TMPRSS12: variants seen among roughly 807,000 people sequenced by gnomAD.
The protein encoded by TMPRSS12 is transmembrane protease serine 12.
A neutral mutation model predicts 26.0 loss-of-function variants in TMPRSS12; 25 were observed. The ratio of observed to expected loss-of-function variants is 0.96; its 90% CI spans 0.70 to 1.34. TMPRSS12 has a LOEUF of 1.34. Among genes scored for constraint, TMPRSS12 ranks in the 40% most tolerant of loss-of-function variants. The pLI, the probability that TMPRSS12 is intolerant of heterozygous loss-of-function variation, is 0.00. For missense variants in TMPRSS12, 441 were observed against 440.1 expected, an observed-to-expected ratio of 1.00 and a Z score of -0.02; for synonymous variants, 150 against 161.7, an observed-to-expected ratio of 0.93 and a Z score of 0.55.
chr12:50,878,078 C>A (rs534921446), intron 3 of TMPRSS12, among the ~76,000 whole-genome samples: 1 of 151,894 alleles, frequency 6.6e-6, no homozygotes, highest in Non-Finnish European at 1.5e-5. Context: ...GTTGTTAATA[C>A]GGCAATTATT....
chr12:50,887,264 T>A lies in TMPRSS12; in HGVS notation c.798T>A (p.Gly266=). 6.2e-7 allele frequency: 1 copy of A among 1,612,510 alleles called. No homozygotes were observed. Among genetic ancestry groups the A allele is most frequent in the South Asian group, 1.1e-5 (1 of 90,896 alleles). The change falls in exon 5 of 5, where the codon GGT becomes GGA. Residue 266 remains glycine (G), a splice_region_variant and synonymous_variant. Coordinates refer to ENST00000398458, the MANE Select transcript of TMPRSS12 (RefSeq NM_182559.3). ...CTATTTTGGGACTTTTTTGACAGGG[T>A]GACAGTGGGGGACCATTAATGTGCT... ...DEDGAFDTCR[G]DSGGPLMCYL... is the part of the protein sequence containing the mutation.
At position 50,878,097 on chromosome 12, in the gene TMPRSS12, G is replaced by A. The variant is rs369856766; in HGVS notation, c.653-7149G>A. On this transcript the variant is annotated intron_variant, in intron 3 of 4. Coordinates refer to ENST00000398458, the MANE Select transcript of TMPRSS12 (RefSeq NM_182559.3). ...TTAATACGGCAATTATTCACAGATT[G>A]GCCTATCAAAATGCCAGTAGGATTT... 2.6e-4 allele frequency among the ~76,000 whole-genome samples: 39 copies of A among 151,878 alleles called. No homozygotes were observed. In the East Asian group the frequency reaches 4.6e-3, roughly 18 times the overall value.
intron 3 of TMPRSS12, among the ~76,000 whole-genome samples, chr12:50,865,231 G>A (rs1937979990): frequency 6.6e-6 from 1 of 152,122 alleles, no homozygotes; most frequent in South Asian, 2.1e-4. Context: ...TACTTGGGAG[G>A]CTGAGGCAGG....
intron 3 of TMPRSS12, among the ~76,000 whole-genome samples, chr12:50,861,367 A>G (rs1027687859): frequency 1.4e-5 from 2 of 142,970 alleles, no homozygotes; most frequent in African/African-American, 5.1e-5. Context: ...AATGTACGAA[A>G]GACCTGTGAA....
chr12:50,858,036 G>T (rs190009202), intron 2 of TMPRSS12, among the ~76,000 whole-genome samples: 1 of 152,104 alleles, frequency 6.6e-6, no homozygotes, highest in South Asian at 2.1e-4. Context: ...TAGAGACAGG[G>T]TTTCACCATG....
chr12:50,875,452 T>C (rs12229828), intron 3 of TMPRSS12, among the ~76,000 whole-genome samples: 43,086 of 135,940 alleles, frequency 0.32, 6,552 homozygotes, highest in East Asian at 0.46. Flanking sequence ...ATCATGCCAC[T>C]GTACTCAAGC....
rs961121804 is a variant in TMPRSS12, at chr12:50,887,573, T to A, written c.*60T>A. 2.0e-6 allele frequency: 3 copies of A among 1,537,978 alleles called. No individual in the cohort carries two copies. Among genetic ancestry groups the A allele is most frequent in the Non-Finnish European group, 2.6e-6 (3 of 1,146,602 alleles). ...ATTGTGTCCCTTTCTATGTTCTATA[T>A]AATGAACATCATTTATTCTTCTAGC... On this transcript the variant is annotated 3_prime_UTR_variant, in exon 5 of 5. Transcript: ENST00000398458.
intron 3 of TMPRSS12, among the ~76,000 whole-genome samples, chr12:50,884,878 TAA>T (rs368787852): frequency 3.0e-5 from 4 of 133,410 alleles, no homozygotes; most frequent in Admixed American, 1.5e-4. Flanking sequence ...TCTCAAAAAT[TAA>T]AAAAAAAAAA....
At position 50,887,428 on chromosome 12, in the gene TMPRSS12, G is replaced by A. The variant is rs1322368065; in HGVS notation, c.962G>A (p.Ser321Asn). Residue 321 changes from serine (S) to asparagine (N), a missense_variant, in exon 5 of 5, where the codon AGC (serine) becomes AAC (asparagine). Coordinates refer to ENST00000398458, the MANE Select transcript of TMPRSS12 (RefSeq NM_182559.3). ...CTGACAGAGCATTTCTTCCATGCAAGCACTCAAGGCATACTTACTATAAAT... is the reference window on the plus strand; with the variant it reads ...CTGACAGAGCATTTCTTCCATGCAAACACTCAAGGCATACTTACTATAAAT... ...KWLTEHFFHA[S>N]TQGILTINIL... 18 of 1,613,776 alleles carry A rather than the reference G, an allele frequency of 1.1e-5. No homozygotes were observed. Among genetic ancestry groups the A allele is most frequent in the Non-Finnish European group, 1.5e-5 (18 of 1,179,876 alleles).
intron 2 of TMPRSS12, among the ~76,000 whole-genome samples, chr12:50,850,415 C>A (rs192233661): frequency 6.6e-6 from 1 of 152,084 alleles, no homozygotes. Flanking sequence ...CCTGTCTCTA[C>A]AAAAAATTTT....
chr12:50,873,209 G>A (rs567654853), intron 3 of TMPRSS12, among the ~76,000 whole-genome samples: 2 of 151,782 alleles, frequency 1.3e-5, no homozygotes, highest in East Asian at 3.9e-4. Context: ...GGGGGGCGAG[G>A]GATAAAAGTC....
chr12:50,859,937 A>G (rs1430994005), intron 3 of TMPRSS12, among the ~76,000 whole-genome samples: 1 of 152,176 alleles, frequency 6.6e-6, no homozygotes, highest in Non-Finnish European at 1.5e-5. Flanking sequence ...ACTTTATGCC[A>G]TGAGATTGAA....
At chr12:50,852,499 C>T (rs930906404) in intron 2 of TMPRSS12, among the ~76,000 whole-genome samples, 4 of 152,166 alleles carry the variant, frequency 2.6e-5, no homozygotes, top group Admixed American at 6.5e-5. Context: ...CAACCTCTGC[C>T]GCCCAGGTTC....
intron 3 of TMPRSS12, among the ~76,000 whole-genome samples, chr12:50,872,988 G>GTACATATAT (rs1565936183): frequency 6.6e-6 from 1 of 150,530 alleles, no homozygotes; most frequent in African/African-American, 2.4e-5. Flanking sequence ...GTATATATAT[G>GTACATATAT]ATGGAATACT....
intron 2 of TMPRSS12, among the ~76,000 whole-genome samples, chr12:50,846,840 A>C (rs1008392982): frequency 1.3e-5 from 2 of 151,970 alleles, no homozygotes; most frequent in Non-Finnish European, 2.9e-5. Context: ...TTGGCCTCCC[A>C]AAGTGGTAAC....
At chr12:50,885,532 C>T (rs1243477011) in intron 4 of TMPRSS12, 144 bp downstream of exon 4, 1 of 993,750 alleles carries the variant, frequency 1.0e-6, no homozygotes, top group Non-Finnish European at 1.6e-6. Context: ...ACTATTTCAA[C>T]AATCCAAATC....
At chr12:50,867,423 CAAAG>C (rs1938001813) in intron 3 of TMPRSS12, among the ~76,000 whole-genome samples, 1 of 151,798 alleles carries the variant, frequency 6.6e-6, no homozygotes, top group Non-Finnish European at 1.5e-5. Context: ...CCAACAAAGA[CAAAG>C]AAAAAAGAAT....
intron 2 of TMPRSS12, among the ~76,000 whole-genome samples, chr12:50,848,674 C>G (rs1024086799): frequency 6.6e-6 from 1 of 152,314 alleles, no homozygotes; most frequent in East Asian, 1.9e-4. Context: ...CCCAACCCAG[C>G]TTTTCAATCA....
chr12:50,858,947 G>A lies in TMPRSS12; in HGVS notation c.546G>A (p.Arg182=), dbSNP rs374035932. Residue 182 remains arginine (R), a synonymous_variant, in exon 3 of 5, where the codon AGG becomes AGA. Transcript: ENST00000398458. ...TTTTTCACTTAAAAAAAGCAGTGAG[G>A]TATAATGACTATATTCAGCCTATTT... ...IALFHLKKAV[R]YNDYIQPICL... 1.9e-6 allele frequency: 3 copies of A among 1,590,452 alleles called. No homozygotes were observed. Among genetic ancestry groups the A allele is most frequent in the Non-Finnish European group, 2.6e-6 (3 of 1,167,086 alleles).
Sources: gnomAD v4.1 joint callset for allele counts (sites outside exome capture counted in the v4.1 genomes callset) on GRCh38, gnomAD v4.1.1 for gene constraint, MANE v1.5 for transcripts, NCBI Gene and HGNC (gene_info 2026-07-23, HGNC 2026-07-21) for gene names.